Variants in KCNU1 observed in about 807,000 individuals in gnomAD.
The protein encoded by KCNU1 is potassium calcium-activated channel subfamily U member 1, also known as potassium channel subfamily U member 1.
Under a neutral mutation model 126.8 loss-of-function variants are expected in KCNU1, and 93 were observed. The observed-to-expected ratio is 0.73, with a 90% CI of 0.62 to 0.87. The LOEUF (loss-of-function observed/expected upper bound fraction) is 0.87. KCNU1 is among the 40% of genes least tolerant of loss of function. KCNU1 has a pLI of 0.00. For synonymous variants in KCNU1, 523 were observed against 494.2 expected (o/e 1.06, Z -0.77); for missense variants, 1,330 against 1,367.1 (o/e 0.97, Z 0.43).
chr8:36,934,234 T>A (rs1808787854), intron 26 of KCNU1, among the ~76,000 whole-genome samples: 2 of 152,096 alleles, frequency 1.3e-5, no homozygotes, highest in Admixed American at 6.6e-5. Flanking sequence ...GTCATAGCAA[T>A]ACGTCTGAAT....
intron 13 of KCNU1, 63 bp from the exon 14 acceptor site, chr8:36,836,730 C>T: frequency 7.0e-7 from 1 of 1,427,738 alleles, no homozygotes; most frequent in Non-Finnish European, 9.8e-7. Flanking sequence ...GACATCCATC[C>T]TCAAGAGCTT....
Position 36,824,481 on chromosome 8 carries a change from A to G in KCNU1, c.1106+6721A>G, listed in dbSNP as rs546236575. 4.1e-4 allele frequency among the ~76,000 whole-genome samples: 62 copies of G among 152,302 alleles called. 1 individual carries two copies. The highest frequency in any genetic ancestry group is 1.5e-3 in the African/African-American group (62 of 41,572). On this transcript the variant is annotated intron_variant, in intron 10 of 26. Transcript: ENST00000399881. ...GTTATTATAGGCATGTATATATAGG[A>G]AAAATGGTACTGTATATATGGGGTT...
intron 7 of KCNU1, among the ~76,000 whole-genome samples, chr8:36,813,590 T>TA (rs1414794833): frequency 6.6e-6 from 1 of 151,342 alleles, no homozygotes; most frequent in Non-Finnish European, 1.5e-5. Context: ...TATCTAATAT[T>TA]AAAAATCTGA....
Position 36,806,362 on chromosome 8 carries a change from T to C in KCNU1, c.562T>C (p.Leu188=), listed in dbSNP as rs370237913. 13 of 1,601,708 alleles carry C rather than the reference T, an allele frequency of 8.1e-6. No homozygotes were observed. Among genetic ancestry groups the C allele is most frequent in the Admixed American group, 1.7e-5 (1 of 59,340 alleles). The change falls in exon 5 of 27, where the codon TTG becomes CTG. Residue 188 remains leucine, a synonymous_variant. Transcript: ENST00000399881. ...CCCACCAACCTTTATTTCTTATTATTTGAAGAGCAATTGGCTAGGTAAGTG... is the reference window on the plus strand; with the variant it reads ...CCCACCAACCTTTATTTCTTATTATCTGAAGAGCAATTGGCTAGGTAAGTG... ...TIPPTFISYY[L]KSNWLGLRFL...
intron 10 of KCNU1, among the ~76,000 whole-genome samples, chr8:36,821,488 G>A (rs929343294): frequency 3.9e-5 from 6 of 152,122 alleles, no homozygotes; most frequent in Non-Finnish European, 7.4e-5. Context: ...AGGACTAGAT[G>A]TATTTAGGAG....
intron 23 of KCNU1, among the ~76,000 whole-genome samples, chr8:36,921,666 A>C (rs2117583030): frequency 6.6e-6 from 1 of 151,316 alleles, no homozygotes; most frequent in Non-Finnish European, 1.5e-5. Flanking sequence ...GAGGAAAAAA[A>C]AAAAAAAAAA....
chr8:36,884,389 G>C (rs1806609302), intron 19 of KCNU1, among the ~76,000 whole-genome samples: 1 of 152,164 alleles, frequency 6.6e-6, no homozygotes, highest in Non-Finnish European at 1.5e-5. Context: ...ATTACTGAAA[G>C]GGGAGTTTTC....
chr8:36,906,058 T>C (rs1240216561), intron 20 of KCNU1, among the ~76,000 whole-genome samples: 1 of 152,172 alleles, frequency 6.6e-6, no homozygotes, highest in South Asian at 2.1e-4. Context: ...TCCTCTCTCC[T>C]TTGACAGTTT....
At chr8:36,822,815 T>C (rs1346709514) in intron 10 of KCNU1, among the ~76,000 whole-genome samples, 1 of 152,158 alleles carries the variant, frequency 6.6e-6, no homozygotes, top group Non-Finnish European at 1.5e-5. Context: ...ACCTCTTTCC[T>C]TGAGTAATTT....
intron 10 of KCNU1, among the ~76,000 whole-genome samples, chr8:36,824,478 A>G (rs998041863): frequency 1.3e-5 from 2 of 152,224 alleles, no homozygotes; most frequent in Admixed American, 1.3e-4. Flanking sequence ...ATGTATATAT[A>G]GGAAAAATGG....
At chr8:36,810,165 T>G (rs1315631969) in intron 7 of KCNU1, among the ~76,000 whole-genome samples, 1 of 151,928 alleles carries the variant, frequency 6.6e-6, no homozygotes, top group Non-Finnish European at 1.5e-5. Context: ...GGCAGGAGAA[T>G]TGCTTGAACT....
At chr8:36,819,468 A>T (rs1286083934) in intron 10 of KCNU1, among the ~76,000 whole-genome samples, 1 of 152,142 alleles carries the variant, frequency 6.6e-6, no homozygotes, top group Non-Finnish European at 1.5e-5. Flanking sequence ...ATACATTTTC[A>T]TCAATACCAT....
At chr8:36,806,201 G>T in intron 4 of KCNU1, 68 bp from the exon 5 acceptor site, 2 of 881,598 alleles carry the variant, frequency 2.3e-6, no homozygotes, top group Non-Finnish European at 3.6e-6. Context: ...GCTGAATAAT[G>T]CTATCTAGTG....
intron 19 of KCNU1, among the ~76,000 whole-genome samples, chr8:36,884,369 A>T (rs976976034): frequency 2.0e-5 from 3 of 152,206 alleles, no homozygotes; most frequent in Non-Finnish European, 4.4e-5. Context: ...CCGTGAAGCA[A>T]ATGTATTTAA....
At chr8:36,922,132 T>G (rs1345716035) in intron 23 of KCNU1, among the ~76,000 whole-genome samples, 1 of 152,044 alleles carries the variant, frequency 6.6e-6, no homozygotes, top group African/African-American at 2.4e-5. Context: ...TATTTATTCC[T>G]ATGATTCCAG....
At chr8:36,879,913 G>A (rs1806411182) in intron 19 of KCNU1, among the ~76,000 whole-genome samples, 1 of 152,138 alleles carries the variant, frequency 6.6e-6, no homozygotes, top group Admixed American at 6.6e-5. Flanking sequence ...CACTCCAACC[G>A]CCAATCAAGT....
Position 36,864,405 on chromosome 8 carries a change from GC to G in KCNU1, c.1895del (p.Pro632HisfsTer3). Reference protein sequence around the residue: ...KSRSRQHITVPSVKRMKKCLK... With the variant: ...KSRSRQHITVXSVKRMKKCLK... ...ACTGAGATTTCTATCCTATTGCAGT[GC>G]CATCGGTAAAGAGAATGAAAAAATG... On this transcript the variant is annotated frameshift_variant and splice_region_variant, in exon 19 of 27. Transcript: ENST00000399881. LOFTEE classifies it high-confidence loss of function. The G allele has an allele frequency of 1.9e-6, 3 of 1,565,676 alleles. No homozygotes were observed. Among genetic ancestry groups the G allele is most frequent in the Non-Finnish European group, 2.6e-6 (3 of 1,136,298 alleles).
chr8:36,818,923 T>C (rs909785175), intron 10 of KCNU1, among the ~76,000 whole-genome samples: 6 of 152,198 alleles, frequency 3.9e-5, no homozygotes, highest in Admixed American at 2.0e-4. Flanking sequence ...TTAAATCTTT[T>C]GTTAGAAAAC....
intron 7 of KCNU1, among the ~76,000 whole-genome samples, chr8:36,812,177 C>T (rs115577709): frequency 4.6e-5 from 7 of 151,918 alleles, no homozygotes; most frequent in Admixed American, 6.6e-5. Context: ...GTTGGGAGTT[C>T]GAGACCAGCC....
Sources: gnomAD v4.1 joint callset for allele counts (sites outside exome capture counted in the v4.1 genomes callset) on GRCh38, gnomAD v4.1.1 for gene constraint, MANE v1.5 for transcripts, NCBI Gene and HGNC (gene_info 2026-07-23, HGNC 2026-07-21) for gene names.